The following ERICH6B variants were observed in gnomAD, a reference collection of about 807,000 sequenced individuals.
The protein encoded by ERICH6B is glutamate-rich protein 6B.
ERICH6B carries 69 observed loss-of-function variants against 80.0 expected under a neutral mutation model. That is an observed-to-expected ratio of 0.86 (90% confidence interval 0.71 to 1.05). The LOEUF (loss-of-function observed/expected upper bound fraction) is 1.05, where lower values mean the gene tolerates loss of function less well. Ranked by LOEUF, ERICH6B falls within the 50% of genes least tolerant of loss-of-function variation. ERICH6B has a pLI of 0.00. For missense variants in ERICH6B, 754 were observed against 796.1 expected (o/e 0.95, Z 0.64); for synonymous variants, 283 against 291.9 (o/e 0.97, Z 0.31).
At chr13:45,589,964 A>T (rs1413563742) in intron 4 of ERICH6B, among the ~76,000 whole-genome samples, 1 of 152,070 alleles carries the variant, frequency 6.6e-6, no homozygotes, top group Admixed American at 6.6e-5. Flanking sequence ...CTCAAGTTGT[A>T]ACTTATGGGT....
intron 14 of ERICH6B, among the ~76,000 whole-genome samples, chr13:45,542,913 G>A (rs576221459): frequency 2.6e-5 from 4 of 152,312 alleles, no homozygotes; most frequent in South Asian, 4.1e-4. Context: ...TGAGCAAACC[G>A]ACGTGTCTGG....
intron 5 of ERICH6B, among the ~76,000 whole-genome samples, chr13:45,582,247 A>G (rs1875705701): frequency 1.3e-5 from 2 of 152,212 alleles, no homozygotes; most frequent in Non-Finnish European, 2.9e-5. Flanking sequence ...GCGCCATTCC[A>G]GGGATGGCAC....
intron 3 of ERICH6B, among the ~76,000 whole-genome samples, chr13:45,593,628 A>T (rs1307288844): frequency 6.6e-6 from 1 of 152,160 alleles, no homozygotes; most frequent in Non-Finnish European, 1.5e-5. Flanking sequence ...AAAGGGAGAG[A>T]GCTGGCATTC....
intron 14 of ERICH6B, among the ~76,000 whole-genome samples, chr13:45,544,164 C>A (rs1873897688): frequency 6.6e-6 from 1 of 152,152 alleles, no homozygotes; most frequent in Admixed American, 6.5e-5. Flanking sequence ...CCTCCGTCTC[C>A]CTGGTTCAAA....
chr13:45,577,924 C>T (rs561428502), intron 7 of ERICH6B, among the ~76,000 whole-genome samples: 2 of 152,288 alleles, frequency 1.3e-5, no homozygotes, highest in African/African-American at 4.8e-5. Flanking sequence ...AACTACCATT[C>T]TTGAATTTGG....
At chr13:45,608,334 C>T (rs1339322475) in intron 1 of ERICH6B, among the ~76,000 whole-genome samples, 3 of 152,174 alleles carry the variant, frequency 2.0e-5, no homozygotes, top group African/African-American at 7.2e-5. Context: ...CTTATTGGCC[C>T]AGAGAAGGCA....
chr13:45,551,731 G>A (rs1162443618), intron 11 of ERICH6B: 1 of 152,202 alleles, frequency 6.6e-6, no homozygotes, highest in Non-Finnish European at 1.5e-5. Flanking sequence ...AGGTCATGGG[G>A]ACTCTAACCT....
intron 10 of ERICH6B, 24 bp downstream of exon 10, chr13:45,563,703 G>A (rs780638561): frequency 4.5e-6 from 7 of 1,549,392 alleles, no homozygotes; most frequent in Admixed American, 2.0e-5. Flanking sequence ...AGCACGTGGT[G>A]GAAAATGGTG....
intron 5 of ERICH6B, among the ~76,000 whole-genome samples, chr13:45,585,501 T>C (rs1875863170): frequency 6.6e-6 from 1 of 152,106 alleles, no homozygotes; most frequent in African/African-American, 2.4e-5. Flanking sequence ...GAGAAAAACC[T>C]CCATGAATTT....
chr13:45,584,329 C>G (rs79893265), intron 5 of ERICH6B, among the ~76,000 whole-genome samples: 16 of 152,194 alleles, frequency 1.1e-4, no homozygotes, highest in African/African-American at 3.4e-4. Flanking sequence ...AGCCTTTCCA[C>G]GTCAGACCTG....
At chr13:45,604,148 C>T (rs1040520222) in intron 2 of ERICH6B, among the ~76,000 whole-genome samples, 1 of 152,186 alleles carries the variant, frequency 6.6e-6, no homozygotes, top group Non-Finnish European at 1.5e-5. Flanking sequence ...CAGTGCAGTG[C>T]GGTGTATCTG....
intron 11 of ERICH6B, among the ~76,000 whole-genome samples, chr13:45,557,924 C>A (rs1874506544): frequency 1.3e-5 from 2 of 149,732 alleles, no homozygotes; most frequent in Non-Finnish European, 3.0e-5. Context: ...GCTCTTTTTT[C>A]ATTCCATGTG....
intron 9 of ERICH6B, among the ~76,000 whole-genome samples, chr13:45,565,544 G>C (rs746527245): frequency 2.6e-5 from 4 of 152,182 alleles, no homozygotes; most frequent in Non-Finnish European, 5.9e-5. Flanking sequence ...CTGGTGGGAG[G>C]TAACTGAACC....
chr13:45,592,096 G>A (rs143033404), intron 3 of ERICH6B, among the ~76,000 whole-genome samples: 156 of 152,278 alleles, frequency 1.0e-3, no homozygotes, highest in African/African-American at 3.5e-3. Context: ...GTAGTCACAT[G>A]CCCTCTTTCT....
chr13:45,575,998 AC>A (rs1206058879), intron 7 of ERICH6B, among the ~76,000 whole-genome samples: 2 of 152,104 alleles, frequency 1.3e-5, no homozygotes, highest in African/African-American at 2.4e-5. Flanking sequence ...GAGCCTGGGA[AC>A]CCTGCCAGGT....
At position 45,568,347 on chromosome 13, in the gene ERICH6B, C is replaced by T. The variant is rs531419254; in HGVS notation, c.1155G>A (p.Leu385=). 3.9e-6 allele frequency: 6 copies of T among 1,546,562 alleles called. No homozygotes were observed. The East Asian group carries it at 1.5e-4, about 38-fold the overall frequency. Residue 385 remains leucine (L), a synonymous_variant, in exon 9 of 15, where the codon CTG becomes CTA. Transcript: ENST00000298738. ...EDFDIPLTKL[L]ESENRWKLVI... ...CCAGTTTCCATCTGTTTTCACTTTC[C>T]AGTAGCTTAGTTAGGGGAATGTCAA... is the stretch of plus-strand genomic sequence containing the variant.
Position 45,590,689 on chromosome 13 carries a change from C to T in ERICH6B, c.646G>A (p.Ala216Thr). Residue 216 changes from alanine (A) to threonine (T), a missense_variant, in exon 4 of 15, where the codon GCA (alanine) becomes ACA (threonine). Physicochemically the swap from Ala to Thr is moderately conservative, Grantham distance 58. Transcript: ENST00000298738. ...AGCATGGTTTGTGATGAATAACTTG[C>T]CTTGGGTTCTATTGGAAAAAAGAAT... ...LYKKYLKEPK[A>T]SYSSQTMLLR... 1.3e-6 allele frequency: 2 copies of T among 1,550,750 alleles called. No individual in the cohort carries two copies. Among genetic ancestry groups the T allele is most frequent in the Non-Finnish European group, 1.7e-6 (2 of 1,146,746 alleles).
At chr13:45,563,176 G>A (rs1187892755) in intron 10 of ERICH6B, among the ~76,000 whole-genome samples, 1 of 152,098 alleles carries the variant, frequency 6.6e-6, no homozygotes, top group Non-Finnish European at 1.5e-5. Flanking sequence ...GGAGCTATTT[G>A]TTTTCCAATT....
At chr13:45,601,049 GC>G (rs1656363983) in intron 2 of ERICH6B, among the ~76,000 whole-genome samples, 1 of 152,134 alleles carries the variant, frequency 6.6e-6, no homozygotes, top group African/African-American at 2.4e-5. Context: ...GGCTGGTTTA[GC>G]CTGAATCTCC....
Sources: allele counts gnomAD v4.1 joint callset (sites outside exome capture counted in the v4.1 genomes callset), GRCh38; gene constraint gnomAD v4.1.1; transcripts MANE v1.5; gene names NCBI Gene and HGNC (gene_info 2026-07-23, HGNC 2026-07-21).